SSBP4: variants seen among roughly 807,000 people sequenced by gnomAD.
SSBP4 encodes single-stranded DNA-binding protein 4.
A neutral mutation model predicts 64.6 loss-of-function variants in SSBP4; 33 were observed. The observed-to-expected ratio is 0.51, with a 90% confidence interval of 0.39 to 0.68. The LOEUF (loss-of-function observed/expected upper bound fraction) is 0.68, where lower values mean the gene tolerates loss of function less well. Ranked by LOEUF, SSBP4 falls within the 30% of genes least tolerant of loss-of-function variation. The probability of loss-of-function intolerance (pLI) is 0.00; values close to 1 mark genes in which losing one functional copy is unlikely to be tolerated. For synonymous variants in SSBP4, 243 were observed against 224.0 expected (o/e 1.08, Z -0.76); for missense variants, 583 against 566.8 (o/e 1.03, Z -0.29).
intron 4 of SSBP4, among the ~76,000 whole-genome samples, chr19:18,430,476 A>G (rs1973269730): frequency 6.6e-6 from 1 of 152,062 alleles, no homozygotes; most frequent in African/African-American, 2.4e-5. Flanking sequence ...CACTTGTTCT[A>G]AGGTGGAGCC....
intron 1 of SSBP4, among the ~76,000 whole-genome samples, chr19:18,420,995 C>G (rs1463553282): frequency 1.3e-5 from 2 of 151,950 alleles, no homozygotes; most frequent in East Asian, 3.9e-4. Flanking sequence ...AGAGAGGAGG[C>G]TGGGTCAGCA....
Position 18,431,435 on chromosome 19 carries a change from C to A in SSBP4, c.435+17C>A. 2 of 1,477,724 alleles carry A rather than the reference C, an allele frequency of 1.4e-6. No individual in the cohort carries two copies. The highest frequency in any genetic ancestry group is 1.2e-5 in the South Asian group (1 of 81,528). The allele number at this position is 1,477,724 out of a possible 1,614,324, so 91.5% of individuals were successfully genotyped here. On this transcript the variant is annotated intron_variant, in intron 6 of 17. Coordinates refer to ENST00000270061, the MANE Select transcript of SSBP4 (RefSeq NM_032627.5). ...CACGGTCAGGTAAGGAGCTGTGGTG[C>A]CTGCCCCTCACACACACACATCCCC...
chr19:18,406,098 T>A, the SSBP4 span, among the ~76,000 whole-genome samples: 1 of 151,696 alleles, frequency 6.6e-6, no homozygotes, highest in Admixed American at 6.6e-5. Context: ...TGCCTCAGCC[T>A]CCCAAAGTGT....
upstream of SSBP4, chr19:18,419,305 C>T (rs1453263378): frequency 3.0e-6 from 3 of 1,004,062 alleles, no homozygotes; most frequent in East Asian, 1.1e-4. Flanking sequence ...GGGACCCACC[C>T]GCGCGCCCGC....
chr19:18,433,246 C>G (rs1180688029), intron 15 of SSBP4, 33 bp downstream of exon 15: 3 of 1,539,150 alleles, frequency 1.9e-6, no homozygotes, highest in Non-Finnish European at 2.6e-6. Flanking sequence ...GCCCACGTTG[C>G]CTTCCGGGCC....
upstream of SSBP4, among the ~76,000 whole-genome samples, chr19:18,417,983 C>G (rs1252043036): frequency 6.6e-6 from 1 of 152,196 alleles, no homozygotes; most frequent in Admixed American, 6.5e-5. The surrounding 1 kb of genome is among the most constrained non-coding windows in gnomAD (Gnocchi z 5.4). Context: ...CAAACACACA[C>G]ACGAAACGTG....
chr19:18,432,262 C>T, intron 10 of SSBP4, 48 bp downstream of exon 10: 3 of 1,597,644 alleles, frequency 1.9e-6, no homozygotes, highest in Non-Finnish European at 2.6e-6. Flanking sequence ...AGGCCACCAC[C>T]AGCTTCATGG....
upstream of SSBP4, among the ~76,000 whole-genome samples, chr19:18,417,216 C>T (rs1972149941): frequency 6.6e-6 from 1 of 152,248 alleles, no homozygotes; most frequent in South Asian, 2.1e-4. This position sits in a 1 kb window ranked among gnomAD's most constrained non-coding sequence, Gnocchi z 5.4. Flanking sequence ...TGACTGTCCG[C>T]CTCCCCCATC....
Position 18,433,749 on chromosome 19 carries a change from G to T in SSBP4, c.1060G>T (p.Gly354Cys). 7.0e-7 allele frequency: 1 copy of T among 1,438,342 alleles called. No individual in the cohort carries two copies. 89.1% of individuals were successfully genotyped at this position (1,438,342 alleles called of 1,614,324 possible). ...CGTGGCCGGCCTGAGCAACGCCCCGGGCACCCCGCGGGACGACGGCGAGAT... is the reference window on the plus strand; with the variant it reads ...CGTGGCCGGCCTGAGCAACGCCCCGTGCACCCCGCGGGACGACGGCGAGAT... ...GAVAGLSNAPGTPRDDGEMAA... is the reference protein window; with the variant it reads ...GAVAGLSNAPCTPRDDGEMAA... The change falls in exon 17 of 18, where the codon GGC becomes TGC. Residue 354 changes from glycine (G) to cysteine (C), a missense_variant. This residue lies in a region of SSBP4 where 31 missense variants were observed against 58.5 expected (regional missense o/e 0.53). Coordinates refer to ENST00000270061, the MANE Select transcript of SSBP4 (RefSeq NM_032627.5).
At chr19:18,425,576 G>A (rs1204382228) in intron 1 of SSBP4, among the ~76,000 whole-genome samples, 1 of 152,008 alleles carries the variant, frequency 6.6e-6, no homozygotes, top group African/African-American at 2.4e-5. Context: ...TGCCACAGAA[G>A]TGAGCTAGAC....
upstream of SSBP4, chr19:18,419,248 C>T (rs1972249612): frequency 1.0e-6 from 1 of 990,272 alleles, no homozygotes; most frequent in Non-Finnish European, 1.2e-6. Flanking sequence ...TGTGTAGCCG[C>T]GCCCCCACCC....
intron 10 of SSBP4, 54 bp downstream of exon 10, chr19:18,432,268 C>T (rs1215915676): frequency 3.8e-6 from 6 of 1,591,626 alleles, no homozygotes; most frequent in East Asian, 2.3e-5. Flanking sequence ...CCACCAGCTT[C>T]ATGGCTGGGT....
chr19:18,433,843 C>G (rs755234029), intron 17 of SSBP4, 26 bp downstream of exon 17: 32 of 1,357,224 alleles, frequency 2.4e-5, no homozygotes, highest in Admixed American at 1.1e-4. Context: ...GACTCCCCCC[C>G]CGCGGCGGCG....
At chr19:18,421,552 C>T (rs1343728877) in intron 1 of SSBP4, among the ~76,000 whole-genome samples, 2 of 152,176 alleles carry the variant, frequency 1.3e-5, no homozygotes, top group African/African-American at 4.8e-5. Flanking sequence ...GTCGGTGGCC[C>T]TGAAGAAGCC....
chr19:18,427,540 G>A lies in SSBP4; in HGVS notation c.132+117G>A. On this transcript the variant is annotated intron_variant, in intron 2 of 17. Coordinates refer to ENST00000270061, the MANE Select transcript of SSBP4 (RefSeq NM_032627.5). This position sits in a 1 kb window ranked among gnomAD's most constrained non-coding sequence, Gnocchi z 4.4. ...TGCCCCTCTGATGGCCCTGGGAACT[G>A]AGGGCTCTGCAGGGTCCAGGCCCTG... 5 of 1,359,708 alleles carry A rather than the reference G, an allele frequency of 3.7e-6. No individual in the cohort carries two copies. The South Asian group carries it at 6.5e-5, about 18-fold the overall frequency. 84.2% of individuals were successfully genotyped at this position (1,359,708 alleles called of 1,614,324 possible).
rs928409123 is a variant in SSBP4, at chr19:18,423,884, G to C, written c.60-3467G>C. On this transcript the variant is annotated intron_variant, in intron 1 of 17. Coordinates refer to ENST00000270061, the MANE Select transcript of SSBP4 (RefSeq NM_032627.5). The surrounding 1 kb of genome is among the most constrained non-coding windows in gnomAD (Gnocchi z 4.0). ...TACCGGCCCAGGGCAGGTGGCCGGT[G>C]GGGGGCAGAGGGCATGGGTGATTTG... Among the ~76,000 whole-genome samples the C allele has an allele frequency of 6.6e-6, 1 of 152,154 alleles. No individual in the cohort carries two copies. Among genetic ancestry groups the C allele is most frequent in the Non-Finnish European group, 1.5e-5 (1 of 68,008 alleles).
the SSBP4 span, among the ~76,000 whole-genome samples, chr19:18,409,103 C>CA: frequency 6.6e-6 from 1 of 151,996 alleles, no homozygotes; most frequent in Non-Finnish European, 1.5e-5. Context: ...CATGAGCCAA[C>CA]ATGCCCGGCC....
At chr19:18,411,693 T>A in the SSBP4 span, among the ~76,000 whole-genome samples, 1 of 152,126 alleles carries the variant, frequency 6.6e-6, no homozygotes, top group Non-Finnish European at 1.5e-5. Flanking sequence ...ATGACCTGGA[T>A]GCATTTAACA....
upstream of SSBP4, among the ~76,000 whole-genome samples, chr19:18,417,991 G>A (rs563707022): frequency 4.3e-4 from 65 of 152,260 alleles, no homozygotes; most frequent in Non-Finnish European, 3.1e-4. This position sits in a 1 kb window ranked among gnomAD's most constrained non-coding sequence, Gnocchi z 5.4. Flanking sequence ...CACACGAAAC[G>A]TGAGCACAGA....
Sources: gnomAD v4.1 joint callset for allele counts (sites outside exome capture counted in the v4.1 genomes callset) on GRCh38, gnomAD v4.1.1 for gene constraint, gnomAD v4.1.1 regional missense constraint, Gnocchi (gnomAD v3.1) non-coding constraint, MANE v1.5 for transcripts, NCBI Gene and HGNC (gene_info 2026-07-23, HGNC 2026-07-21) for gene names.